The following RFXAP variants were observed in gnomAD, a reference collection of about 807,000 sequenced individuals.
RFXAP encodes the protein regulatory factor X-associated protein.
In RFXAP, 21 loss-of-function variants were observed where a neutral mutation model predicts 25.7. The ratio of observed to expected loss-of-function variants is 0.82; its 90% CI spans 0.58 to 1.18. The LOEUF is 1.18. Ranked by LOEUF, RFXAP falls within the 50% of genes most tolerant of loss-of-function variation. The probability of loss-of-function intolerance (pLI) is 0.00; values close to 1 mark genes in which losing one functional copy is unlikely to be tolerated. For synonymous variants in RFXAP, 161 were observed against 152.2 expected, an observed-to-expected ratio of 1.06 and a Z score of -0.43; for missense variants, 333 against 363.0, an observed-to-expected ratio of 0.92 and a Z score of 0.67.
chr13:36,823,383 G>A (rs1435371389), intron 1 of RFXAP, among the ~76,000 whole-genome samples: 1 of 152,228 alleles, frequency 6.6e-6, no homozygotes, highest in Non-Finnish European at 1.5e-5. Flanking sequence ...ATTCATGAGA[G>A]AGAAATTTGG....
chr13:36,827,654 A>G lies in RFXAP; in HGVS notation c.720A>G (p.Arg240=). 6.2e-7 allele frequency: 1 copy of G among 1,613,434 alleles called. No homozygotes were observed. The highest frequency in any genetic ancestry group is 8.5e-7 in the Non-Finnish European group (1 of 1,179,556). The part of the protein sequence containing the change: ...VLNQKRLSLL[R]SPEVVQFLQK... ...CTTTTCTTTCTAAGTCGTTACTAAG[A>G]AGTCCAGAAGTAGTGCAATTTTTAC... The change falls in exon 3 of 3, where the codon AGA becomes AGG. Residue 240 remains arginine, a synonymous_variant. Coordinates refer to ENST00000255476, the MANE Select transcript of RFXAP (RefSeq NM_000538.4).
At chr13:36,822,068 G>C (rs989983583) in intron 1 of RFXAP, among the ~76,000 whole-genome samples, 1 of 151,810 alleles carries the variant, frequency 6.6e-6, no homozygotes, top group African/African-American at 2.4e-5. Context: ...CTTTAGAGAG[G>C]GAGAAAAATA....
chr13:36,825,272 G>C (rs914846673), intron 1 of RFXAP, among the ~76,000 whole-genome samples, 156 bp from the exon 2 acceptor site: 4 of 152,208 alleles, frequency 2.6e-5, no homozygotes, highest in African/African-American at 9.7e-5. Flanking sequence ...CCAATACTTT[G>C]CCTATGATAA....
At chr13:36,822,976 G>A (rs912744787) in intron 1 of RFXAP, among the ~76,000 whole-genome samples, 1 of 152,206 alleles carries the variant, frequency 6.6e-6, no homozygotes, top group Non-Finnish European at 1.5e-5. Flanking sequence ...GCTTTGCAGA[G>A]GAAACGTGAC....
In RFXAP at chr13:36,827,880, T is replaced by C; in HGVS notation, c.*127T>C. The C allele has an allele frequency of 4.0e-6, 3 of 741,338 alleles. No homozygotes were observed. The highest frequency in any genetic ancestry group is 7.0e-6 in the Non-Finnish European group (3 of 430,134). The allele number at this position is 741,338 out of a possible 1,614,324, so 45.9% of individuals were successfully genotyped here. On this transcript the variant is annotated 3_prime_UTR_variant, in exon 3 of 3. Coordinates refer to ENST00000255476, the MANE Select transcript of RFXAP (RefSeq NM_000538.4). ...ACATAAACATTTTCCTGTAAATGTA[T>C]GTGTGCATTTGGGGATAAGTAAGTA...
chr13:36,821,628 C>T (rs1208844582), intron 1 of RFXAP, among the ~76,000 whole-genome samples: 2 of 152,080 alleles, frequency 1.3e-5, no homozygotes, highest in Non-Finnish European at 2.9e-5. Flanking sequence ...TGCTACTTCA[C>T]TCCAGCCTGG....
In RFXAP at chr13:36,819,245, G is replaced by A; in HGVS notation, c.-113G>A. ...GCAGGCGCAGTCGGGGCGCCTTCCC[G>A]GTATAGGCGCCTTTTACCCCAGCGT... On this transcript the variant is annotated 5_prime_UTR_variant, in exon 1 of 3. Coordinates refer to ENST00000255476, the MANE Select transcript of RFXAP (RefSeq NM_000538.4). 1 of 1,077,660 alleles carries A rather than the reference G, an allele frequency of 9.3e-7. No homozygotes were observed. Among genetic ancestry groups the A allele is most frequent in the Non-Finnish European group, 1.2e-6 (1 of 855,580 alleles). The allele number at this position is 1,077,660 out of a possible 1,614,324, so 66.8% of individuals were successfully genotyped here. A position where few individuals can be genotyped will look rare whatever the true frequency, so the allele number is the denominator to read the frequency against.
In RFXAP at chr13:36,827,666, A is replaced by G. The variant is rs752618898; in HGVS notation, c.732A>G (p.Val244=). The change falls in exon 3 of 3, where the codon GTA becomes GTG. Residue 244 remains valine, a synonymous_variant. Coordinates refer to ENST00000255476, the MANE Select transcript of RFXAP (RefSeq NM_000538.4). The stretch of plus-strand genomic sequence containing the variant: ...AGTCGTTACTAAGAAGTCCAGAAGT[A>G]GTGCAATTTTTACAGAAACAGCAAC... ...KRLSLLRSPE[V]VQFLQKQQQL... is the part of the protein sequence containing the mutation. 1.9e-5 allele frequency: 30 copies of G among 1,613,566 alleles called. No individual in the cohort carries two copies. Among genetic ancestry groups the G allele is most frequent in the Non-Finnish European group, 2.2e-5 (26 of 1,179,734 alleles).
chr13:36,827,830 T>C lies in RFXAP; in HGVS notation c.*77T>C. Reference sequence around the variant, plus strand: ...AGCATATTTTTTTACCAGACATAAATGGGGTAATAATCTATGCCTGTAGAA... The same window carrying C: ...AGCATATTTTTTTACCAGACATAAACGGGGTAATAATCTATGCCTGTAGAA... On this transcript the variant is annotated 3_prime_UTR_variant, in exon 3 of 3. Coordinates refer to ENST00000255476, the MANE Select transcript of RFXAP (RefSeq NM_000538.4). 1 of 1,118,618 alleles carries C rather than the reference T, an allele frequency of 8.9e-7. No homozygotes were observed. The highest frequency in any genetic ancestry group is 1.3e-5 in the South Asian group (1 of 77,774). The allele number at this position is 1,118,618 out of a possible 1,614,324, so 69.3% of individuals were successfully genotyped here. A position where few individuals can be genotyped will look rare whatever the true frequency, so the allele number is the denominator to read the frequency against.
chr13:36,825,349 ATTAC>A, intron 1 of RFXAP, 75 bp from the exon 2 acceptor site: 1 of 1,093,534 alleles, frequency 9.1e-7, no homozygotes, highest in East Asian at 2.4e-5. Flanking sequence ...AGACCTGTTC[ATTAC>A]ATCTTTGAAA....
intron 1 of RFXAP, among the ~76,000 whole-genome samples, chr13:36,820,684 A>G (rs1009836458): frequency 6.6e-6 from 1 of 152,224 alleles, no homozygotes; most frequent in African/African-American, 2.4e-5. Context: ...ATAATGGGGT[A>G]TAAGTCTCAA....
Position 36,819,639 on chromosome 13 carries a change from C to G in RFXAP, c.282C>G (p.Asp94Glu). ...EAGEDEADLL[D>E]TSDPPGGGES... Reference sequence around the variant, plus strand: ...GGGAGGACGAGGCGGACCTGTTAGACACTTCGGACCCTCCGGGGGGAGGCG... The same window carrying G: ...GGGAGGACGAGGCGGACCTGTTAGAGACTTCGGACCCTCCGGGGGGAGGCG... The change falls in exon 1 of 3, where the codon GAC becomes GAG. Residue 94 changes from aspartate to glutamate, a missense_variant. Physicochemically the swap from Asp to Glu is conservative, Grantham distance 45 (BLOSUM62 2). Coordinates refer to ENST00000255476, the MANE Select transcript of RFXAP (RefSeq NM_000538.4). 1 of 1,546,646 alleles carries G rather than the reference C, an allele frequency of 6.5e-7. No individual in the cohort carries two copies. Among genetic ancestry groups the G allele is most frequent in the South Asian group, 1.2e-5 (1 of 83,750 alleles).
intron 2 of RFXAP, 124 bp downstream of exon 2, chr13:36,825,659 T>C (rs2057975928): frequency 1.7e-6 from 1 of 584,116 alleles, no homozygotes; most frequent in African/African-American, 1.9e-5. Context: ...AAATTCCTAA[T>C]AAGTCAAAAT....
chr13:36,825,635 C>A, intron 2 of RFXAP, 100 bp downstream of exon 2: 1 of 721,456 alleles, frequency 1.4e-6, no homozygotes, highest in Non-Finnish European at 2.3e-6. Flanking sequence ...TGACATCACA[C>A]TATACATCAA....
rs757108768 is a variant in RFXAP, at chr13:36,828,884, G to A, written c.*1131G>A. 6.6e-6 allele frequency: 1 copy of A among 152,118 alleles called. No homozygotes were observed. Among genetic ancestry groups the A allele is most frequent in the Non-Finnish European group, 1.5e-5 (1 of 68,022 alleles). The allele number at this position is 152,118 out of a possible 1,614,324, so 9.4% of individuals were successfully genotyped here. A position where few individuals can be genotyped will look rare whatever the true frequency, so the allele number is the denominator to read the frequency against. ...GTCAAGAGAGTATATCCAATATTAGGATATAAATGTATGTGTCTCAAGTTT... is the reference window on the plus strand; with the variant it reads ...GTCAAGAGAGTATATCCAATATTAGAATATAAATGTATGTGTCTCAAGTTT... On this transcript the variant is annotated 3_prime_UTR_variant, in exon 3 of 3. Coordinates refer to ENST00000255476, the MANE Select transcript of RFXAP (RefSeq NM_000538.4).
intron 1 of RFXAP, among the ~76,000 whole-genome samples, chr13:36,822,561 T>C (rs547054053): frequency 5.3e-5 from 8 of 152,268 alleles, no homozygotes; most frequent in African/African-American, 1.9e-4. Context: ...GTTATTTATT[T>C]ACTTATCTAA....
At chr13:36,822,634 T>A (rs2057966830) in intron 1 of RFXAP, among the ~76,000 whole-genome samples, 2 of 152,198 alleles carry the variant, frequency 1.3e-5, no homozygotes, top group South Asian at 4.1e-4. Context: ...GCTCAAGTGA[T>A]CCTCCTGCCT....
At chr13:36,820,486 C>T (rs769685899) in intron 1 of RFXAP, among the ~76,000 whole-genome samples, 2 of 152,028 alleles carry the variant, frequency 1.3e-5, no homozygotes, top group Non-Finnish European at 2.9e-5. Flanking sequence ...AGTTGCCTGT[C>T]TGTAGTACCC....
chr13:36,825,585 T>C, intron 2 of RFXAP, 50 bp downstream of exon 2: 2 of 1,335,630 alleles, frequency 1.5e-6, no homozygotes, highest in Non-Finnish European at 2.1e-6. Flanking sequence ...AAACGTTTGT[T>C]ATAAATGGAA....
Sources: allele counts gnomAD v4.1 joint callset (sites outside exome capture counted in the v4.1 genomes callset), GRCh38; gene constraint gnomAD v4.1.1; transcripts MANE v1.5; gene names NCBI Gene and HGNC (gene_info 2026-07-23, HGNC 2026-07-21).